Variants in TRPM3 observed in about 807,000 individuals in gnomAD.
TRPM3 encodes transient receptor potential cation channel subfamily M member 3.
In TRPM3, 77 loss-of-function variants were observed where a neutral mutation model predicts 181.2. The observed-to-expected ratio is 0.42, with a 90% CI of 0.35 to 0.51. TRPM3 has a LOEUF of 0.51. Ranked by LOEUF, TRPM3 falls within the 20% of genes least tolerant of loss-of-function variation. TRPM3 has a pLI of 0.01. For synonymous variants in TRPM3, 745 were observed against 796.4 expected, an observed-to-expected ratio of 0.94 and a Z score of 1.09; for missense variants, 1,759 against 2,196.7, an observed-to-expected ratio of 0.80 and a Z score of 3.98.
intron 21 of TRPM3, among the ~76,000 whole-genome samples, chr9:70,597,491 G>A (rs1031467999): frequency 6.6e-6 from 1 of 152,236 alleles, no homozygotes; most frequent in African/African-American, 2.4e-5. Flanking sequence ...GAGAACTGAT[G>A]AAAAGTACCC....
intron 6 of TRPM3, among the ~76,000 whole-genome samples, chr9:70,806,945 A>C (rs1276625416): frequency 6.6e-6 from 1 of 152,194 alleles, no homozygotes; most frequent in Non-Finnish European, 1.5e-5. Flanking sequence ...CCCTGGTTTT[A>C]AGATGATTAT....
chr9:70,993,148 A>G (rs2097505098), intron 1 of TRPM3, among the ~76,000 whole-genome samples: 1 of 152,082 alleles, frequency 6.6e-6, no homozygotes, highest in Non-Finnish European at 1.5e-5. Flanking sequence ...AGGAGTTTGG[A>G]TTTTTTCCAA....
intron 1 of TRPM3, among the ~76,000 whole-genome samples, chr9:71,168,132 G>A (rs902432111): frequency 2.6e-5 from 4 of 152,072 alleles, no homozygotes; most frequent in African/African-American, 9.7e-5. Context: ...ATCTTTAGTA[G>A]TATTATTTGC....
Position 71,059,011 on chromosome 9 carries a change from A to ATTTTTTTTTTTTTTTTTTTTTTTTTTTT in TRPM3, c.177+62139_177+62166dup, listed in dbSNP as rs1162577364. 1.1e-4 allele frequency among the ~76,000 whole-genome samples: 6 copies of ATTTTTTTTTTTTTTTTTTTTTTTTTTTT among 52,638 alleles called. 1 individual carries two copies. Among genetic ancestry groups the ATTTTTTTTTTTTTTTTTTTTTTTTTTTT allele is most frequent in the Non-Finnish European group, 1.6e-4 (5 of 31,714 alleles). The allele number at this position is 52,638 out of a possible 152,430, so 34.5% of individuals were successfully genotyped here. A position where few individuals can be genotyped will look rare whatever the true frequency, so the allele number is the denominator to read the frequency against. On this transcript the variant is annotated intron_variant, in intron 1 of 25. Transcript: ENST00000677713. The stretch of plus-strand genomic sequence containing the variant: ...ATTTCTCTGAAGTTTTTGTTTGTTC[A>ATTTTTTTTTTTTTTTTTTTTTTTTTTTT]TTTTTTTTTTTTTTTTTTTTTTTTT...
intron 9 of TRPM3, among the ~76,000 whole-genome samples, chr9:70,672,209 C>G (rs1563933188): frequency 6.6e-6 from 1 of 152,140 alleles, no homozygotes. Context: ...TAGGGATTCT[C>G]TCAATTCCCC....
At chr9:70,602,067 C>T (rs1035665657) in intron 20 of TRPM3, among the ~76,000 whole-genome samples, 3 of 148,068 alleles carry the variant, frequency 2.0e-5, no homozygotes, top group Non-Finnish European at 3.0e-5. Flanking sequence ...ATGGGAAGAC[C>T]GAAGTGCAGA....
At chr9:71,020,625 G>A (rs2097840096) in intron 1 of TRPM3, among the ~76,000 whole-genome samples, 1 of 152,092 alleles carries the variant, frequency 6.6e-6, no homozygotes, top group Admixed American at 6.6e-5. Flanking sequence ...ATATGAAAAT[G>A]TATTCAATCT....
intron 1 of TRPM3, among the ~76,000 whole-genome samples, chr9:71,096,235 A>C (rs1296258028): frequency 6.6e-6 from 1 of 150,752 alleles, no homozygotes; most frequent in African/African-American, 2.4e-5. Context: ...CCCAGAATTG[A>C]AACAGCATAG....
At position 71,427,514 on chromosome 9, in the gene TRPM3, G is replaced by T. The variant is rs964531309; in HGVS notation, c.183+19139C>A. Among the ~76,000 whole-genome samples the T allele has an allele frequency of 2.0e-5, 3 of 152,060 alleles. 1 individual carries two copies. In the East Asian group the frequency reaches 5.8e-4, roughly 29 times the overall value. On this transcript the variant is annotated intron_variant, in intron 1 of 24. Coordinates refer to the TRPM3 transcript ENST00000357533. The stretch of plus-strand genomic sequence containing the variant: ...GCAAAGACATGGAATCAACCTAGGT[G>T]CCCATCAACAGTGGACTGCATAAAG...
intron 1 of TRPM3, among the ~76,000 whole-genome samples, chr9:71,168,172 G>A (rs1337015916): frequency 1.3e-5 from 2 of 152,172 alleles, no homozygotes; most frequent in African/African-American, 2.4e-5. Flanking sequence ...GGACTAGAAG[G>A]AAATTCTAGA....
chr9:70,861,132 T>TA (rs980219594), intron 3 of TRPM3, among the ~76,000 whole-genome samples: 1 of 152,160 alleles, frequency 6.6e-6, no homozygotes, highest in Non-Finnish European at 1.5e-5. Context: ...ACTGGACTTG[T>TA]AAAAAACAGT....
At chr9:71,322,954 A>G (rs956491980) in intron 1 of TRPM3, among the ~76,000 whole-genome samples, 2 of 152,162 alleles carry the variant, frequency 1.3e-5, no homozygotes, top group Admixed American at 6.6e-5. Flanking sequence ...CTGTCAAAAG[A>G]TCAGCCACTT....
intron 1 of TRPM3, among the ~76,000 whole-genome samples, chr9:71,064,665 A>G (rs1236862747): frequency 6.6e-6 from 1 of 152,106 alleles, no homozygotes; most frequent in Non-Finnish European, 1.5e-5. Context: ...AAAAGCATGT[A>G]AAGGTAAGTT....
chr9:70,543,175 G>C (rs900820468), intron 25 of TRPM3, among the ~76,000 whole-genome samples: 1 of 152,104 alleles, frequency 6.6e-6, no homozygotes, highest in African/African-American at 2.4e-5. Flanking sequence ...ATTATAAGTT[G>C]AACATACTAT....
At chr9:70,866,593 T>C (rs1357270637) in intron 1 of TRPM3, among the ~76,000 whole-genome samples, 1 of 152,082 alleles carries the variant, frequency 6.6e-6, no homozygotes, top group Admixed American at 6.6e-5. Flanking sequence ...ATTCTGGTAC[T>C]AAAAGTTCAG....
At chr9:71,189,032 A>G (rs1225318206) in intron 1 of TRPM3, among the ~76,000 whole-genome samples, 1 of 151,894 alleles carries the variant, frequency 6.6e-6, no homozygotes. Flanking sequence ...CCTTAAATAT[A>G]TAATTTTGAG....
At chr9:70,540,488 C>A (rs1473580417) in intron 25 of TRPM3, among the ~76,000 whole-genome samples, 1 of 152,150 alleles carries the variant, frequency 6.6e-6, no homozygotes, top group Non-Finnish European at 1.5e-5. Context: ...GGATCCAACA[C>A]TATAGAGAAA....
chr9:71,369,042 T>C (rs1469161217), intron 1 of TRPM3, among the ~76,000 whole-genome samples: 1 of 152,118 alleles, frequency 6.6e-6, no homozygotes, highest in African/African-American at 2.4e-5. Context: ...TAGTCTTATA[T>C]ACATATATTG....
chr9:71,133,360 T>C (rs2134473468), intron 1 of TRPM3, among the ~76,000 whole-genome samples: 1 of 127,428 alleles, frequency 7.8e-6, no homozygotes, highest in Non-Finnish European at 1.6e-5. Flanking sequence ...AGTGGCACCA[T>C]CTCTGCTCAC....
Sources: allele counts gnomAD v4.1 joint callset (sites outside exome capture counted in the v4.1 genomes callset), GRCh38; gene constraint gnomAD v4.1.1; transcripts MANE v1.5; gene names NCBI Gene and HGNC (gene_info 2026-07-23, HGNC 2026-07-21).